The following PKNOX2 variants were observed in gnomAD, a reference collection of about 807,000 sequenced individuals.
PKNOX2 encodes the protein homeobox protein PKNOX2.
Under a neutral mutation model 53.1 loss-of-function variants are expected in PKNOX2, and 14 were observed. That is an observed-to-expected ratio of 0.26 (90% CI 0.17 to 0.41). The LOEUF is 0.41. Among genes scored for constraint, PKNOX2 ranks in the 10% least tolerant of loss-of-function variants. The pLI, the probability that PKNOX2 is intolerant of heterozygous loss-of-function variation, is 1.00. For missense variants in PKNOX2, 496 were observed against 602.8 expected (o/e 0.82, Z 1.85); for synonymous variants, 257 against 242.8 (o/e 1.06, Z -0.54).
chr11:125,204,860 G>C (rs1309423610), intron 1 of PKNOX2, among the ~76,000 whole-genome samples: 1 of 152,170 alleles, frequency 6.6e-6, no homozygotes, highest in Admixed American at 6.5e-5. Context: ...TGTTCTTGGT[G>C]CTTAGCAGAG....
intron 2 of PKNOX2, among the ~76,000 whole-genome samples, chr11:125,320,343 T>C (rs779898905): frequency 9.9e-5 from 15 of 152,106 alleles, no homozygotes; most frequent in Non-Finnish European, 2.1e-4. Flanking sequence ...GACTGAGATG[T>C]ACATGGTACC....
chr11:125,325,025 C>T (rs1307112285), intron 2 of PKNOX2, among the ~76,000 whole-genome samples: 3 of 152,276 alleles, frequency 2.0e-5, no homozygotes, highest in African/African-American at 7.2e-5. Context: ...GCTGAAGGTT[C>T]CCCAAATAAG....
rs1445969887 is a variant in PKNOX2 at position 125,165,361 on chromosome 11, C to G, written c.-201+585C>G. Among the ~76,000 whole-genome samples the G allele has an allele frequency of 1.3e-5, 2 of 152,194 alleles. No individual in the cohort carries two copies. The highest frequency in any genetic ancestry group is 4.1e-4 in the South Asian group (2 of 4,828). Reference sequence around the variant, plus strand: ...CGGGTGCAGAAGGCTCCCGGCCGGGCGCTCCGCGGGGAGAGGCTGGGAACC... The same window carrying G: ...CGGGTGCAGAAGGCTCCCGGCCGGGGGCTCCGCGGGGAGAGGCTGGGAACC... On this transcript the variant is annotated intron_variant, in intron 1 of 12. Coordinates refer to ENST00000298282, the MANE Select transcript of PKNOX2 (RefSeq NM_001382323.2). The surrounding 1 kb of genome is among the most constrained non-coding windows in gnomAD (Gnocchi z 4.5).
intron 4 of PKNOX2, among the ~76,000 whole-genome samples, chr11:125,363,006 T>C (rs1312319552): frequency 6.6e-6 from 1 of 152,208 alleles, no homozygotes; most frequent in Non-Finnish European, 1.5e-5. Flanking sequence ...AGGGTTTCCT[T>C]AGCTGCGAGC....
intron 1 of PKNOX2, among the ~76,000 whole-genome samples, chr11:125,202,307 C>T (rs558963318): frequency 1.3e-3 from 203 of 152,318 alleles, no homozygotes; most frequent in Non-Finnish European, 1.9e-3. Flanking sequence ...CTGCCCCCTG[C>T]ACCCCTCACC....
In PKNOX2 at chr11:125,274,602, C is replaced by G. The variant is rs375877643; in HGVS notation, c.-130+39487C>G. On this transcript the variant is annotated intron_variant, in intron 2 of 12. Coordinates refer to ENST00000298282, the MANE Select transcript of PKNOX2 (RefSeq NM_001382323.2). ...GGCAAGGATGCGTGAACAAGGAACACACGGGGATGGAACATGTCGGCTGCA... is the reference window on the plus strand; with the variant it reads ...GGCAAGGATGCGTGAACAAGGAACAGACGGGGATGGAACATGTCGGCTGCA... Among the ~76,000 whole-genome samples, 4 of 152,340 alleles carry G rather than the reference C, an allele frequency of 2.6e-5. No individual in the cohort carries two copies. The East Asian group carries it at 5.8e-4, about 22-fold the overall frequency.
chr11:125,428,454 AT>A (rs1232737742), intron 10 of PKNOX2, among the ~76,000 whole-genome samples: 1 of 152,156 alleles, frequency 6.6e-6, no homozygotes, highest in Non-Finnish European at 1.5e-5. Flanking sequence ...TAAAATGATG[AT>A]TTTTTAATGA....
intron 3 of PKNOX2, among the ~76,000 whole-genome samples, chr11:125,339,232 T>C (rs530336186): frequency 6.6e-6 from 1 of 152,252 alleles, no homozygotes; most frequent in African/African-American, 2.4e-5. Flanking sequence ...AGGATGTGGG[T>C]AATAACCCTG....
chr11:125,416,160 G>C (rs1489871210), intron 10 of PKNOX2, among the ~76,000 whole-genome samples: 3 of 151,330 alleles, frequency 2.0e-5, no homozygotes, highest in South Asian at 4.2e-4. Context: ...AAAATTAGCC[G>C]GGCGTGGTGG....
intron 2 of PKNOX2, among the ~76,000 whole-genome samples, chr11:125,243,373 G>A (rs1271450971): frequency 1.3e-5 from 2 of 152,158 alleles, no homozygotes. Context: ...TGAGAAAGTG[G>A]GCCATCTTCA....
At chr11:125,408,901 G>GT (rs1438345838) in intron 7 of PKNOX2, among the ~76,000 whole-genome samples, 1 of 152,158 alleles carries the variant, frequency 6.6e-6, no homozygotes, top group Non-Finnish European at 1.5e-5. Flanking sequence ...ACAAAAACCG[G>GT]GAAGCTGGGG....
chr11:125,189,447 GTATATATATATA>G (rs58968290), intron 1 of PKNOX2, among the ~76,000 whole-genome samples: 82 of 23,432 alleles, frequency 3.5e-3, no homozygotes, highest in African/African-American at 7.9e-3. Context: ...GTGTGTGTGT[GTATATATATATA>G]TATATATATA....
chr11:125,258,391 G>C (rs1334474917), intron 2 of PKNOX2, among the ~76,000 whole-genome samples: 1 of 152,072 alleles, frequency 6.6e-6, no homozygotes, highest in East Asian at 1.9e-4. Flanking sequence ...GCAGGGTCCA[G>C]ATTTCATTTT....
chr11:125,397,845 C>G, intron 6 of PKNOX2, 29 bp from the exon 7 acceptor site: 2 of 1,583,848 alleles, frequency 1.3e-6, no homozygotes. Context: ...ATGCAAACAC[C>G]TGGGCTCACC....
At chr11:125,350,311 G>T (rs1591537947) in intron 3 of PKNOX2, among the ~76,000 whole-genome samples, 1 of 152,330 alleles carries the variant, frequency 6.6e-6, no homozygotes, top group Non-Finnish European at 1.5e-5. Context: ...GGCTTCATGG[G>T]GGCAGCTCGC....
chr11:125,319,929 A>G (rs1949424063), intron 2 of PKNOX2, among the ~76,000 whole-genome samples: 1 of 152,216 alleles, frequency 6.6e-6, no homozygotes, highest in South Asian at 2.1e-4. Flanking sequence ...GGCCAGACTG[A>G]CCTTCTAGAC....
chr11:125,272,831 A>G (rs539012615), intron 2 of PKNOX2, among the ~76,000 whole-genome samples: 4 of 152,238 alleles, frequency 2.6e-5, no homozygotes, highest in African/African-American at 4.8e-5. Context: ...GCTGTTTTCC[A>G]GAAGCGAGAG....
At chr11:125,251,688 C>T (rs1473836803) in intron 2 of PKNOX2, among the ~76,000 whole-genome samples, 1 of 151,638 alleles carries the variant, frequency 6.6e-6, no homozygotes, top group Non-Finnish European at 1.5e-5. Context: ...CTGCTGGTTC[C>T]CAACCCAACC....
intron 2 of PKNOX2, among the ~76,000 whole-genome samples, chr11:125,298,575 C>T (rs759132280): frequency 1.3e-5 from 2 of 152,196 alleles, no homozygotes; most frequent in Admixed American, 6.5e-5. Context: ...ATTTATTTAG[C>T]CTGAGCTGTG....
Sources: gnomAD v4.1 joint callset for allele counts (sites outside exome capture counted in the v4.1 genomes callset) on GRCh38, gnomAD v4.1.1 for gene constraint, Gnocchi (gnomAD v3.1) non-coding constraint, MANE v1.5 for transcripts, NCBI Gene and HGNC (gene_info 2026-07-23, HGNC 2026-07-21) for gene names.